Variants in PDSS2 observed in about 807,000 individuals in gnomAD.
PDSS2 encodes the protein all trans-polyprenyl-diphosphate synthase PDSS2.
A neutral mutation model predicts 44.5 loss-of-function variants in PDSS2; 31 were observed. The ratio of observed to expected loss-of-function variants is 0.70; its 90% confidence interval spans 0.52 to 0.94. The LOEUF is 0.94. Among genes scored for constraint, PDSS2 ranks in the 40% least tolerant of loss-of-function variants. The pLI, the probability that PDSS2 is intolerant of heterozygous loss-of-function variation, is 0.00. For synonymous variants in PDSS2, 157 were observed against 180.3 expected, an observed-to-expected ratio of 0.87 and a Z score of 1.03; for missense variants, 452 against 482.2, an observed-to-expected ratio of 0.94 and a Z score of 0.59.
intron 2 of PDSS2, among the ~76,000 whole-genome samples, chr6:107,312,808 T>C (rs926860789): frequency 2.6e-5 from 4 of 152,224 alleles, no homozygotes; most frequent in African/African-American, 9.6e-5. Context: ...GATTACCTAC[T>C]AGGGGCCAAA....
At chr6:107,369,487 T>TA (rs1007274686) in intron 1 of PDSS2, among the ~76,000 whole-genome samples, 42 of 152,070 alleles carry the variant, frequency 2.8e-4, no homozygotes, top group South Asian at 8.3e-4. Context: ...TCACATCATA[T>TA]AAAAAATTAA....
intron 4 of PDSS2, among the ~76,000 whole-genome samples, chr6:107,239,927 C>T (rs1456737431): frequency 6.6e-6 from 1 of 152,038 alleles, no homozygotes; most frequent in East Asian, 1.9e-4. Context: ...CAGGCGTGAG[C>T]CACCGTGCCT....
At chr6:107,311,129 G>T (rs531836204) in intron 2 of PDSS2, among the ~76,000 whole-genome samples, 1 of 150,772 alleles carries the variant, frequency 6.6e-6, no homozygotes, top group South Asian at 2.1e-4. Context: ...TGTTGGCCAG[G>T]ATGGTCTTGA....
intron 6 of PDSS2, among the ~76,000 whole-genome samples, chr6:107,200,711 G>A (rs1247411886): frequency 6.6e-6 from 1 of 151,976 alleles, no homozygotes; most frequent in Non-Finnish European, 1.5e-5. Context: ...CTGTTCCCCA[G>A]GCTGGAGTGG....
chr6:107,421,785 T>C (rs1780831015), intron 1 of PDSS2, among the ~76,000 whole-genome samples: 2 of 146,810 alleles, frequency 1.4e-5, no homozygotes, highest in Admixed American at 1.4e-4. Context: ...CAAAAATCTA[T>C]ATACGTGATA....
intron 1 of PDSS2, among the ~76,000 whole-genome samples, chr6:107,414,591 C>T (rs12527465): frequency 0.051 from 7,765 of 152,322 alleles, 377 homozygotes; most frequent in South Asian, 0.15. Context: ...TCTAGCTGCT[C>T]AGAAATACTT....
At chr6:107,356,779 T>G (rs1156343677) in intron 1 of PDSS2, among the ~76,000 whole-genome samples, 1 of 152,226 alleles carries the variant, frequency 6.6e-6, no homozygotes, top group Non-Finnish European at 1.5e-5. Context: ...TTAAATAATC[T>G]CAGAAAATAA....
intron 7 of PDSS2, among the ~76,000 whole-genome samples, chr6:107,185,663 C>T (rs942697671): frequency 6.6e-6 from 1 of 152,126 alleles, no homozygotes; most frequent in African/African-American, 2.4e-5. Context: ...TCAACATATT[C>T]GTTTTCTTTT....
rs560154737 is a variant in PDSS2, at chr6:107,243,817, A to T, written c.702+1731T>A. On this transcript the variant is annotated intron_variant, in intron 4 of 7. Coordinates refer to ENST00000369037, the MANE Select transcript of PDSS2 (RefSeq NM_020381.4). ...GTGCCTAACTGTTGCATTTTCCAAG[A>T]CCACTGTGGTCTGCCATGCCCCCAT... Among the ~76,000 whole-genome samples the T allele has an allele frequency of 2.0e-5, 3 of 152,224 alleles. No individual in the cohort carries two copies. In the East Asian group the frequency reaches 5.8e-4, roughly 29 times the overall value.
chr6:107,222,346 C>T (rs1773636211), intron 4 of PDSS2, among the ~76,000 whole-genome samples: 1 of 151,980 alleles, frequency 6.6e-6, no homozygotes, highest in African/African-American at 2.4e-5. Flanking sequence ...TATTAATTAT[C>T]ATTATTCCCA....
At chr6:107,347,650 G>T (rs541988839) in intron 1 of PDSS2, among the ~76,000 whole-genome samples, 1 of 152,180 alleles carries the variant, frequency 6.6e-6, no homozygotes, top group East Asian at 1.9e-4. Context: ...TTGATGTTGG[G>T]CAGAATGTGA....
At chr6:107,378,988 G>A (rs2927915) in intron 1 of PDSS2, among the ~76,000 whole-genome samples, 57,839 of 151,994 alleles carry the variant, frequency 0.38, 13,374 homozygotes, top group Middle Eastern at 0.64. Context: ...TTTCTTCACC[G>A]TAAAGTTACT....
At chr6:107,284,458 C>T (rs980604064) in intron 2 of PDSS2, among the ~76,000 whole-genome samples, 13 of 151,934 alleles carry the variant, frequency 8.6e-5, no homozygotes, top group African/African-American at 2.9e-4. Context: ...GTCAGGAGTT[C>T]GAGACCAGCC....
At chr6:107,323,632 G>A (rs1777450763) in intron 2 of PDSS2, among the ~76,000 whole-genome samples, 1 of 151,996 alleles carries the variant, frequency 6.6e-6, no homozygotes, top group African/African-American at 2.4e-5. Context: ...GAGTTCAAAG[G>A]ATCACCATTA....
At chr6:107,427,676 A>G (rs1354268704) in intron 1 of PDSS2, among the ~76,000 whole-genome samples, 2 of 152,124 alleles carry the variant, frequency 1.3e-5, no homozygotes, top group East Asian at 1.9e-4. Flanking sequence ...AACTCTCCCT[A>G]TTGTTTGTCA....
At position 107,406,754 on chromosome 6, in the gene PDSS2, G is replaced by A. The variant is rs78944741; in HGVS notation, c.296+52236C>T. On this transcript the variant is annotated intron_variant, in intron 1 of 7. Transcript: ENST00000369037. ...TATATCAAGAAGGTCAAATTCACAA[G>A]AGAAGAACCATAAGTGAGATAGAAC... 5.0e-3 allele frequency among the ~76,000 whole-genome samples: 759 copies of A among 152,308 alleles called. 7 individuals carry two copies. The highest frequency in any genetic ancestry group is 0.017 in the African/African-American group (723 of 41,566).
In PDSS2 at chr6:107,177,076, CT is replaced by C. The variant is rs67414057; in HGVS notation, c.1041+16745del. 0.013 allele frequency among the ~76,000 whole-genome samples: 1,800 copies of C among 134,168 alleles called. 65 individuals carry two copies. The East Asian group carries it at 0.16, about 12-fold the overall frequency. 88.0% of individuals were successfully genotyped at this position (134,168 alleles called of 152,430 possible). The stretch of plus-strand genomic sequence containing the variant: ...ATGAGACAAAATGGACGAAGTAATT[CT>C]TTTTTTTTTTTCTATTTTCTTTACA... On this transcript the variant is annotated intron_variant, in intron 7 of 7. Coordinates refer to ENST00000369037, the MANE Select transcript of PDSS2 (RefSeq NM_020381.4).
At chr6:107,410,834 CTTTT>C (rs772337900) in intron 1 of PDSS2, among the ~76,000 whole-genome samples, 2 of 151,868 alleles carry the variant, frequency 1.3e-5, no homozygotes, top group African/African-American at 4.8e-5. Context: ...TCTATTCTTT[CTTTT>C]GTTTCCAATT....
intron 1 of PDSS2, among the ~76,000 whole-genome samples, chr6:107,397,031 G>T (rs886445269): frequency 6.6e-6 from 1 of 151,972 alleles, no homozygotes; most frequent in African/African-American, 2.4e-5. Context: ...AACTGAGCTA[G>T]GATGAGATTG....
Sources: gnomAD v4.1 joint callset for allele counts (sites outside exome capture counted in the v4.1 genomes callset) on GRCh38, gnomAD v4.1.1 for gene constraint, MANE v1.5 for transcripts, NCBI Gene and HGNC (gene_info 2026-07-23, HGNC 2026-07-21) for gene names.